ABCC9: variants seen among roughly 807,000 people sequenced by gnomAD.
ABCC9 encodes ATP binding cassette subfamily C member 9, also known as ATP-binding cassette sub-family C member 9.
In ABCC9, 95 loss-of-function variants were observed where a neutral mutation model predicts 188.3. That is an observed-to-expected ratio of 0.50 (90% confidence interval 0.43 to 0.60). The LOEUF (loss-of-function observed/expected upper bound fraction) is 0.60, where lower values mean the gene tolerates loss of function less well. Ranked by LOEUF, ABCC9 falls within the 20% of genes least tolerant of loss-of-function variation. The pLI, the probability that ABCC9 is intolerant of heterozygous loss-of-function variation, is 0.00. For synonymous variants in ABCC9, 659 were observed against 652.7 expected, an observed-to-expected ratio of 1.01 and a Z score of -0.15; for missense variants, 1,102 against 1,876.3, an observed-to-expected ratio of 0.59 and a Z score of 7.62.
chr12:21,836,118 G>T (rs1257026635), intron 30 of ABCC9, among the ~76,000 whole-genome samples: 5 of 151,924 alleles, frequency 3.3e-5, no homozygotes, highest in African/African-American at 9.7e-5. Flanking sequence ...TCCTGCCTTT[G>T]TAATCTCTCA....
At chr12:21,880,077 T>C (rs755525462) in intron 16 of ABCC9, among the ~76,000 whole-genome samples, 1 of 150,980 alleles carries the variant, frequency 6.6e-6, no homozygotes, top group African/African-American at 2.4e-5. Flanking sequence ...CAACTAGATA[T>C]CACACTTGAA....
intron 5 of ABCC9, among the ~76,000 whole-genome samples, chr12:21,922,496 C>A (rs952260692): frequency 1.3e-5 from 2 of 151,228 alleles, no homozygotes; most frequent in Non-Finnish European, 3.0e-5. Flanking sequence ...ATGGAAGAAA[C>A]AATTGAAAAT....
chr12:21,856,419 A>G (rs573109486), intron 22 of ABCC9, among the ~76,000 whole-genome samples: 104 of 152,286 alleles, frequency 6.8e-4, no homozygotes, highest in African/African-American at 2.4e-3. Context: ...GTGCTTAAAT[A>G]GTATATTCTT....
Position 21,829,225 on chromosome 12 carries a change from G to A in ABCC9, c.3567-165C>T, listed in dbSNP as rs561027192. On this transcript the variant is annotated intron_variant, in intron 30 of 39. Transcript: ENST00000261200. The stretch of plus-strand genomic sequence containing the variant: ...TTTTTTTTTTTTTTTTTTTTCAGAT[G>A]GAGTCTCGCTCTGTTGCCCAGGCTG... Among the ~76,000 whole-genome samples, 198 of 92,256 alleles carry A rather than the reference G, an allele frequency of 2.1e-3. 2 individuals are homozygous for A. The highest frequency in any genetic ancestry group is 0.027 in the Middle Eastern group (2 of 74). 60.5% of individuals were successfully genotyped at this position (92,256 alleles called of 152,430 possible).
chr12:21,905,281 G>A (rs2137830452), intron 12 of ABCC9, among the ~76,000 whole-genome samples: 1 of 152,054 alleles, frequency 6.6e-6, no homozygotes, highest in Middle Eastern at 3.4e-3. Flanking sequence ...TGGGGAGAGG[G>A]GAGGGATAGC....
chr12:21,831,034 A>C (rs138228285), intron 30 of ABCC9: 9 of 150,636 alleles, frequency 6.0e-5, no homozygotes, highest in Non-Finnish European at 8.8e-5. Context: ...TCATCTCTCT[A>C]TATACACACA....
At chr12:21,923,873 T>C (rs1210226209) in intron 5 of ABCC9, 1 of 696,660 alleles carries the variant, frequency 1.4e-6, no homozygotes, top group South Asian at 1.5e-5. Context: ...ATAGTACAGA[T>C]GTCTATTAAC....
chr12:21,868,061 A>T (rs1437952152), intron 18 of ABCC9, among the ~76,000 whole-genome samples: 1 of 152,216 alleles, frequency 6.6e-6, no homozygotes, highest in Non-Finnish European at 1.5e-5. Flanking sequence ...TGCAAGATTG[A>T]TGTGCACATT....
In ABCC9 at chr12:21,875,665, C is replaced by A; in HGVS notation, c.2081G>T (p.Arg694Leu). 6.2e-6 allele frequency: 10 copies of A among 1,610,782 alleles called. No homozygotes were observed. The highest frequency in any genetic ancestry group is 8.5e-6 in the Non-Finnish European group (10 of 1,177,122). Residue 694 changes from arginine (R) to leucine (L), a missense_variant, in exon 17 of 40, where the codon CGA becomes CTA. Physicochemically the swap from Arg to Leu is moderately radical, Grantham distance 102 (BLOSUM62 -2). Transcript: ENST00000261200. ...CAGATAACTCTTACCTGTTGGAATT[C>A]GAATATCTATATTGGATAATGTAGC... ...GLATLSNIDI[R>L]IPTGQLTMIV...
At chr12:21,829,665 A>T (rs1229011326) in intron 30 of ABCC9, among the ~76,000 whole-genome samples, 1 of 152,318 alleles carries the variant, frequency 6.6e-6, no homozygotes, top group East Asian at 1.9e-4. Context: ...ATAAATTTCC[A>T]CATAATTATT....
chr12:21,902,495 A>T lies in ABCC9; in HGVS notation c.1618+3631T>A, dbSNP rs577669548. Among the ~76,000 whole-genome samples the T allele has an allele frequency of 2.3e-4, 35 of 152,194 alleles. No homozygotes were observed. The South Asian group carries it at 7.0e-3, about 31-fold the overall frequency. ...AGACACAAAAAACCCTTCAAAAAAT[A>T]AATGAATCCAGGAGCTGGTTTTTTG... On this transcript the variant is annotated intron_variant, in intron 12 of 39. Transcript: ENST00000261200.
At chr12:21,913,179 G>A (rs569978838) in intron 7 of ABCC9, 113 bp from the exon 8 acceptor site, 2 of 946,400 alleles carry the variant, frequency 2.1e-6, no homozygotes, top group East Asian at 2.6e-5. Context: ...TACTTTAAGG[G>A]TTTAAAAATT....
chr12:21,806,951 C>T (rs1941894869), intron 38 of ABCC9, among the ~76,000 whole-genome samples: 1 of 152,088 alleles, frequency 6.6e-6, no homozygotes, highest in Non-Finnish European at 1.5e-5. Flanking sequence ...CTTCAAATTG[C>T]TTTGGGAAAT....
chr12:21,852,805 A>T (rs1449622178), intron 22 of ABCC9, among the ~76,000 whole-genome samples: 1 of 152,136 alleles, frequency 6.6e-6, no homozygotes, highest in Non-Finnish European at 1.5e-5. Flanking sequence ...AGAAAAACAA[A>T]CAATGAAATA....
chr12:21,806,426 G>A (rs1434891541), intron 38 of ABCC9, among the ~76,000 whole-genome samples: 1 of 152,086 alleles, frequency 6.6e-6, no homozygotes, highest in African/African-American at 2.4e-5. Context: ...AGTCAAAAAA[G>A]GGAAAAACTA....
intron 16 of ABCC9, among the ~76,000 whole-genome samples, chr12:21,876,322 CATTA>C (rs1402070119): frequency 6.6e-6 from 1 of 151,612 alleles, no homozygotes; most frequent in Non-Finnish European, 1.5e-5. Context: ...GAAATCTCTA[CATTA>C]ATTATTTTCT....
At chr12:21,807,560 T>G (rs999755549) in intron 37 of ABCC9, 81 bp from the exon 38 acceptor site, 1 of 1,571,810 alleles carries the variant, frequency 6.4e-7, no homozygotes. Flanking sequence ...AAAAACACAT[T>G]ATGTTGTATG....
At chr12:21,803,101 G>A (rs1319043715) in intron 39 of ABCC9, among the ~76,000 whole-genome samples, 1 of 151,780 alleles carries the variant, frequency 6.6e-6, no homozygotes, top group East Asian at 2.0e-4. Flanking sequence ...ATACATTGAT[G>A]AATTAACAAG....
intron 8 of ABCC9, among the ~76,000 whole-genome samples, chr12:21,911,954 T>C (rs1230640069): frequency 6.6e-6 from 1 of 151,938 alleles, no homozygotes; most frequent in Admixed American, 6.6e-5. Context: ...TATGAATGGC[T>C]CACCGTAATT....
Sources: gnomAD v4.1 joint callset for allele counts (sites outside exome capture counted in the v4.1 genomes callset) on GRCh38, gnomAD v4.1.1 for gene constraint, MANE v1.5 for transcripts, NCBI Gene and HGNC (gene_info 2026-07-23, HGNC 2026-07-21) for gene names.